Variants in UPF2 observed in about 807,000 individuals in gnomAD.
UPF2 encodes regulator of nonsense transcripts 2.
Under a neutral mutation model 141.4 loss-of-function variants are expected in UPF2, and 17 were observed. The ratio of observed to expected loss-of-function variants is 0.12; its 90% CI spans 0.08 to 0.18. The LOEUF (loss-of-function observed/expected upper bound fraction) is 0.18. Ranked by LOEUF, UPF2 falls within the 10% of genes least tolerant of loss-of-function variation. The pLI, the probability that UPF2 is intolerant of heterozygous loss-of-function variation, is 1.00. For missense variants in UPF2, 1,152 were observed against 1,515.9 expected (o/e 0.76, Z 3.99); for synonymous variants, 540 against 498.0 (o/e 1.08, Z -1.12).
At chr10:12,013,590 G>A (rs979581170) in intron 4 of UPF2, among the ~76,000 whole-genome samples, 1 of 151,908 alleles carries the variant, frequency 6.6e-6, no homozygotes, top group Non-Finnish European at 1.5e-5. Flanking sequence ...AGATTTCTAA[G>A]TAAACAGAAT....
At chr10:11,948,529 A>G in intron 15 of UPF2, 21 bp from the exon 16 acceptor site, 1 of 1,608,140 alleles carries the variant, frequency 6.2e-7, no homozygotes, top group Non-Finnish European at 8.5e-7. Context: ...GAAGGTGGAA[A>G]TGGAAAAATA....
chr10:11,932,558 C>A (rs1445878039), intron 19 of UPF2, among the ~76,000 whole-genome samples: 1 of 151,888 alleles, frequency 6.6e-6, no homozygotes, highest in East Asian at 1.9e-4. Context: ...GTATTATGTA[C>A]TTAAAAAAAA....
intron 16 of UPF2, among the ~76,000 whole-genome samples, chr10:11,943,834 C>T (rs1832966722): frequency 6.6e-6 from 1 of 151,766 alleles, no homozygotes; most frequent in African/African-American, 2.4e-5. Context: ...ACAGTCAGTC[C>T]CTGCCTCCCT....
At chr10:11,982,517 CT>C (rs1319752603) in intron 8 of UPF2, among the ~76,000 whole-genome samples, 2 of 152,228 alleles carry the variant, frequency 1.3e-5, no homozygotes, top group Non-Finnish European at 2.9e-5. Context: ...AACATCCATA[CT>C]GTTTACTCCC....
At position 11,956,245 on chromosome 10, in the gene UPF2, G is replaced by C; in HGVS notation, c.2574+75C>G. 7 of 1,336,318 alleles carry C rather than the reference G, an allele frequency of 5.2e-6. No homozygotes were observed. In the Middle Eastern group the frequency reaches 5.5e-4, roughly 106 times the overall value. 82.8% of individuals were successfully genotyped at this position (1,336,318 alleles called of 1,614,324 possible). ...AAATTTACAGATTCCTATAACTTGA[G>C]TCTCAATAGTAACCTAGAAATAATA... On this transcript the variant is annotated intron_variant, in intron 13 of 21. Coordinates refer to ENST00000357604, the MANE Select transcript of UPF2 (RefSeq NM_015542.4). This position sits in a 1 kb window ranked among gnomAD's most constrained non-coding sequence, Gnocchi z 4.2.
chr10:12,009,094 A>G (rs1444164818), intron 4 of UPF2, among the ~76,000 whole-genome samples: 3 of 152,086 alleles, frequency 2.0e-5, no homozygotes, highest in Non-Finnish European at 4.4e-5. Flanking sequence ...TGTATTATTG[A>G]TGGGCATTTG....
chr10:11,988,702 T>C (rs2131245540), intron 8 of UPF2, among the ~76,000 whole-genome samples: 1 of 152,292 alleles, frequency 6.6e-6, no homozygotes, highest in Admixed American at 6.5e-5. Context: ...AGTATTTCCT[T>C]GCCCCCTCTC....
intron 16 of UPF2, among the ~76,000 whole-genome samples, chr10:11,946,639 TCTAA>T (rs932975833): frequency 1.3e-5 from 2 of 152,236 alleles, no homozygotes; most frequent in African/African-American, 4.8e-5. Flanking sequence ...CTTTACTCAC[TCTAA>T]CTTTTTAAAC....
In UPF2 at chr10:11,967,574, A is replaced by G. The variant is rs182222000; in HGVS notation, c.1954-120T>C. On this transcript the variant is annotated intron_variant, in intron 9 of 21. Transcript: ENST00000357604. ...TTTTTTTTTTTTTTTTTTTTGAGAC[A>G]GAGTTTCGCTTGTTACCCAGGCTGG... The G allele has an allele frequency of 4.9e-4, 273 of 553,386 alleles. 1 individual carries two copies. In the African/African-American group the frequency reaches 5.3e-3, roughly 11 times the overall value. 34.3% of individuals were successfully genotyped at this position (553,386 alleles called of 1,614,324 possible).
chr10:12,038,651 C>T (rs139136053), intron 1 of UPF2, among the ~76,000 whole-genome samples: 7,945 of 151,918 alleles, frequency 0.052, 284 homozygotes, highest in Non-Finnish European at 0.08. Context: ...ATCGCTTGAA[C>T]CCGGGAGGCG....
At chr10:11,991,118 T>A (rs1233032296) in intron 8 of UPF2, among the ~76,000 whole-genome samples, 1 of 150,956 alleles carries the variant, frequency 6.6e-6, no homozygotes, top group Non-Finnish European at 1.5e-5. Flanking sequence ...ATTAAAAAAA[T>A]AAGAATGAAA....
chr10:11,921,336 G>A lies in UPF2; in HGVS notation c.3810-29C>T, dbSNP rs770346779. 3.6e-5 allele frequency: 58 copies of A among 1,613,880 alleles called. No homozygotes were observed. Among genetic ancestry groups the A allele is most frequent in the Non-Finnish European group, 4.7e-5 (55 of 1,180,010 alleles). On this transcript the variant is annotated intron_variant, in intron 21 of 21. Coordinates refer to ENST00000357604, the MANE Select transcript of UPF2 (RefSeq NM_015542.4). This position sits in a 1 kb window ranked among gnomAD's most constrained non-coding sequence, Gnocchi z 5.9. ...AAGGAACAAACAGGGTCACATCAGA[G>A]AGCTTACTGCCACAGGACAAAGTCC...
At chr10:11,994,230 A>G (rs1194854291) in intron 8 of UPF2, among the ~76,000 whole-genome samples, 5 of 152,200 alleles carry the variant, frequency 3.3e-5, no homozygotes, top group Admixed American at 2.0e-4. Flanking sequence ...AGGAGAAAAG[A>G]GGAAGTACAA....
At chr10:11,977,931 A>G (rs1833532998) in intron 9 of UPF2, among the ~76,000 whole-genome samples, 1 of 152,202 alleles carries the variant, frequency 6.6e-6, no homozygotes, top group Non-Finnish European at 1.5e-5. Context: ...TCTGAAAAAC[A>G]CTTTAGCAAA....
rs1416082822 is a variant in UPF2 at position 11,997,753 on chromosome 10, G to A, written c.1763C>T (p.Ala588Val). 1 of 1,613,620 alleles carries A rather than the reference G, an allele frequency of 6.2e-7. No individual in the cohort carries two copies. Among genetic ancestry groups the A allele is most frequent in the East Asian group, 2.2e-5 (1 of 44,786 alleles). ...CVNRDLIDKA[A>V]MDFCMNMNTK... The stretch of plus-strand genomic sequence containing the variant: ...GTTCATGTTCATGCAAAAATCCATT[G>A]CTGCCTATTGGGAAAAAGTAAACTT... The change falls in exon 8 of 22, where the codon GCA (alanine) becomes GTA (valine). Residue 588 changes from alanine to valine, a missense_variant. Ala to Val is a moderately conservative substitution (Grantham distance 64). Coordinates refer to ENST00000357604, the MANE Select transcript of UPF2 (RefSeq NM_015542.4).
chr10:11,921,203 CTGAGA>C lies in UPF2; in HGVS notation c.*90_*94del, dbSNP rs1832638916. On this transcript the variant is annotated 3_prime_UTR_variant, in exon 22 of 22. Coordinates refer to ENST00000357604, the MANE Select transcript of UPF2 (RefSeq NM_015542.4). This position sits in a 1 kb window ranked among gnomAD's most constrained non-coding sequence, Gnocchi z 5.9. The stretch of plus-strand genomic sequence containing the variant: ...ATTCGCAACTCTCTAGACCGACCTG[CTGAGA>C]TGTGTCCACTGCTCTCATTCAATTG... 5.2e-6 allele frequency: 8 copies of C among 1,550,996 alleles called. No individual in the cohort carries two copies. In the Admixed American group the frequency reaches 1.3e-4, roughly 26 times the overall value.
rs1236950530 is a variant in UPF2, at chr10:11,959,377, T to A, written c.2185-21A>T. 1 of 1,543,850 alleles carries A rather than the reference T, an allele frequency of 6.5e-7. No individual in the cohort carries two copies. Among genetic ancestry groups the A allele is most frequent in the Non-Finnish European group, 8.7e-7 (1 of 1,150,976 alleles). ...TGCTCCTGAAATAAAAAGTCCAAATTAATCAAAACACGTTCCTTCTAAGAT... is the reference window on the plus strand; with the variant it reads ...TGCTCCTGAAATAAAAAGTCCAAATAAATCAAAACACGTTCCTTCTAAGAT... On this transcript the variant is annotated intron_variant, in intron 11 of 21. Coordinates refer to ENST00000357604, the MANE Select transcript of UPF2 (RefSeq NM_015542.4). This position sits in a 1 kb window ranked among gnomAD's most constrained non-coding sequence, Gnocchi z 5.9.
chr10:11,953,529 A>C lies in UPF2; in HGVS notation c.2851-1280T>G, dbSNP rs1833104339. ...TGTTACACATTTTTGTCTGTTAATC[A>C]GTTTGGAAAATATTTTTGTCTCTTT... is the stretch of plus-strand genomic sequence containing the variant. On this transcript the variant is annotated intron_variant, in intron 14 of 21. Coordinates refer to ENST00000357604, the MANE Select transcript of UPF2 (RefSeq NM_015542.4). The surrounding 1 kb of genome is among the most constrained non-coding windows in gnomAD (Gnocchi z 5.0). 6.6e-6 allele frequency among the ~76,000 whole-genome samples: 1 copy of C among 152,182 alleles called. No homozygotes were observed. The highest frequency in any genetic ancestry group is 2.4e-5 in the African/African-American group (1 of 41,442).
At position 11,940,519 on chromosome 10, in the gene UPF2, G is replaced by C. The variant is rs1832923836; in HGVS notation, c.3378+2146C>G. Among the ~76,000 whole-genome samples the C allele has an allele frequency of 6.6e-6, 1 of 151,986 alleles. No individual in the cohort carries two copies. Among genetic ancestry groups the C allele is most frequent in the African/African-American group, 2.4e-5 (1 of 41,314 alleles). ...CTCAAAGGCTTCTCAAGTGGACACG[G>C]CCAAAGGGAAACTTTTGCTCATTGG... On this transcript the variant is annotated intron_variant, in intron 18 of 21. Coordinates refer to ENST00000357604, the MANE Select transcript of UPF2 (RefSeq NM_015542.4). The surrounding 1 kb of genome is among the most constrained non-coding windows in gnomAD (Gnocchi z 4.2).
Sources: gnomAD v4.1 joint callset for allele counts (sites outside exome capture counted in the v4.1 genomes callset) on GRCh38, gnomAD v4.1.1 for gene constraint, Gnocchi (gnomAD v3.1) non-coding constraint, MANE v1.5 for transcripts, NCBI Gene and HGNC (gene_info 2026-07-23, HGNC 2026-07-21) for gene names.